The following PCBP3 variants were observed in gnomAD, a reference collection of about 807,000 sequenced individuals.
PCBP3 encodes poly(rC)-binding protein 3.
Under a neutral mutation model 52.7 loss-of-function variants are expected in PCBP3, and 25 were observed. The observed-to-expected ratio is 0.47, with a 90% CI of 0.35 to 0.66. The LOEUF (loss-of-function observed/expected upper bound fraction) is 0.66. PCBP3 is among the 30% of genes least tolerant of loss of function. The pLI is 0.01. For missense variants in PCBP3, 391 were observed against 490.3 expected, an observed-to-expected ratio of 0.80 and a Z score of 1.91; for synonymous variants, 162 against 183.0, an observed-to-expected ratio of 0.89 and a Z score of 0.93.
chr21:45,810,859 T>A (rs1343385885), intron 4 of PCBP3, among the ~76,000 whole-genome samples: 2 of 152,226 alleles, frequency 1.3e-5, no homozygotes, highest in African/African-American at 2.4e-5. Context: ...ATATTCAAAT[T>A]TCCTTTTACA....
chr21:45,714,474 A>C (rs918709519), intron 2 of PCBP3, among the ~76,000 whole-genome samples: 15 of 152,210 alleles, frequency 9.9e-5, no homozygotes, highest in African/African-American at 2.4e-5. Flanking sequence ...AGTCACAATG[A>C]TGAAGCTCAC....
At chr21:45,698,461 G>A (rs62215048) in intron 2 of PCBP3, among the ~76,000 whole-genome samples, 26,316 of 152,244 alleles carry the variant, frequency 0.17, 2,391 homozygotes, top group Middle Eastern at 0.32. Context: ...CTAGCATCAC[G>A]TCTCAGAGCC....
intron 2 of PCBP3, among the ~76,000 whole-genome samples, chr21:45,730,665 A>C (rs550706739): frequency 6.6e-6 from 1 of 152,244 alleles, no homozygotes; most frequent in African/African-American, 2.4e-5. Context: ...TTGTGGATTT[A>C]TCTATTTGGT....
At position 45,822,241 on chromosome 21, in the gene PCBP3, G is replaced by A. The variant is rs1411988471; in HGVS notation, c.-125-27720G>A. 2.0e-5 allele frequency among the ~76,000 whole-genome samples: 3 copies of A among 152,242 alleles called. No individual in the cohort carries two copies. In the East Asian group the frequency reaches 5.8e-4, roughly 30 times the overall value. ...GCACCGTCATCCTGGGAGCCATCGG[G>A]GTCCTCAGCCCCCACTGCAGCCTGA... is the stretch of plus-strand genomic sequence containing the variant. On this transcript the variant is annotated intron_variant, in intron 4 of 17. Coordinates refer to ENST00000681687, the MANE Select transcript of PCBP3 (RefSeq NM_001384156.1).
At chr21:45,891,867 C>T (rs12626343) in intron 5 of PCBP3, among the ~76,000 whole-genome samples, 45,652 of 152,170 alleles carry the variant, frequency 0.3, 8,305 homozygotes, top group East Asian at 0.68. Flanking sequence ...CCTCTGCGCC[C>T]CTTTGACCTC....
In PCBP3 at chr21:45,890,133, T is replaced by G. The variant is rs4818807; in HGVS notation, c.11-6075T>G. Among the ~76,000 whole-genome samples the G allele has an allele frequency of 1.3e-4, 20 of 152,254 alleles. No homozygotes were observed. The East Asian group carries it at 3.3e-3, about 25-fold the overall frequency. ...GGGCAGTTTCCAGCAGCTACTCTGCTGCGGGAGAGAATGGAGCAGACAGGT... is the reference window on the plus strand; with the variant it reads ...GGGCAGTTTCCAGCAGCTACTCTGCGGCGGGAGAGAATGGAGCAGACAGGT... On this transcript the variant is annotated intron_variant, in intron 5 of 17. Transcript: ENST00000681687.
rs987165151 is a variant in PCBP3, at chr21:45,724,399, A to G, written c.-199-10993A>G. Among the ~76,000 whole-genome samples the G allele has an allele frequency of 6.6e-6, 1 of 151,674 alleles. No homozygotes were observed. Among genetic ancestry groups the G allele is most frequent in the East Asian group, 1.9e-4 (1 of 5,142 alleles). ...ACAGGGTGGTGCATGGGGGCTGCCCACACTCCCTGCTGCTTTCTGCTCTCT... is the reference window on the plus strand; with the variant it reads ...ACAGGGTGGTGCATGGGGGCTGCCCGCACTCCCTGCTGCTTTCTGCTCTCT... On this transcript the variant is annotated intron_variant, in intron 2 of 17. Transcript: ENST00000681687. This position sits in a 1 kb window ranked among gnomAD's most constrained non-coding sequence, Gnocchi z 5.3.
chr21:45,647,498 C>T (rs1207029215), intron 1 of PCBP3, among the ~76,000 whole-genome samples: 1 of 152,074 alleles, frequency 6.6e-6, no homozygotes, highest in Non-Finnish European at 1.5e-5. Context: ...TCATTTGGGC[C>T]GAGAATCAGG....
rs2092450701 is a variant in PCBP3, at chr21:45,805,149, T to TGG, written c.-125-44812_-125-44811insGG. Among the ~76,000 whole-genome samples the TGG allele has an allele frequency of 6.6e-6, 1 of 152,164 alleles. No individual in the cohort carries two copies. Among genetic ancestry groups the TGG allele is most frequent in the Non-Finnish European group, 1.5e-5 (1 of 68,024 alleles). On this transcript the variant is annotated intron_variant, in intron 4 of 17. Transcript: ENST00000681687. This position sits in a 1 kb window ranked among gnomAD's most constrained non-coding sequence, Gnocchi z 4.6. ...GTCATCTTGGGCCATGGCTACCACA[T>TGG]ATGGCGCTTCCTAGCCGGGCACTAT...
At chr21:45,653,679 G>GA (rs993392108) in intron 1 of PCBP3, among the ~76,000 whole-genome samples, 6 of 151,878 alleles carry the variant, frequency 4.0e-5, no homozygotes, top group African/African-American at 1.5e-4. Flanking sequence ...CATTCAATCT[G>GA]ACAGTCTTTG....
chr21:45,683,079 G>GAC (rs57487832), intron 2 of PCBP3, among the ~76,000 whole-genome samples: 34,801 of 152,002 alleles, frequency 0.23, 4,687 homozygotes, highest in African/African-American at 0.37. Flanking sequence ...TAGGAGAAAA[G>GAC]AGGATAGAGG....
intron 2 of PCBP3, among the ~76,000 whole-genome samples, chr21:45,727,841 A>G (rs2085169733): frequency 6.6e-6 from 1 of 152,226 alleles, no homozygotes; most frequent in South Asian, 2.1e-4. Context: ...CAAGCCCTGG[A>G]TGTCAAAGCA....
Position 45,737,032 on chromosome 21 carries a change from C to T in PCBP3, c.-162+1603C>T, listed in dbSNP as rs1049843994. On this transcript the variant is annotated intron_variant, in intron 3 of 17. Transcript: ENST00000681687. This position sits in a 1 kb window ranked among gnomAD's most constrained non-coding sequence, Gnocchi z 4.9. ...TGCAGGAGGTGAGGAGCTGCAGGGC[C>T]AAGGGGGTTTGGAGCAGAAGCTCGG... Among the ~76,000 whole-genome samples, 2 of 152,024 alleles carry T rather than the reference C, an allele frequency of 1.3e-5. No homozygotes were observed. Among genetic ancestry groups the T allele is most frequent in the Non-Finnish European group, 2.9e-5 (2 of 68,004 alleles).
intron 2 of PCBP3, among the ~76,000 whole-genome samples, chr21:45,712,820 C>T (rs903371191): frequency 1.3e-5 from 2 of 152,104 alleles, no homozygotes; most frequent in South Asian, 2.1e-4. Context: ...CCCCCTGCCA[C>T]AGCCTCCTGA....
intron 11 of PCBP3, among the ~76,000 whole-genome samples, chr21:45,911,678 A>C (rs2096397522): frequency 6.6e-6 from 1 of 152,188 alleles, no homozygotes; most frequent in South Asian, 2.1e-4. Context: ...TTCCTGAAGC[A>C]AAAATGAAGA....
At chr21:45,902,250 G>C (rs568343260) in intron 9 of PCBP3, among the ~76,000 whole-genome samples, 85 of 150,714 alleles carry the variant, frequency 5.6e-4, no homozygotes, top group African/African-American at 1.9e-3. Flanking sequence ...TCCAAGGCTG[G>C]ACACTGCAGA....
At chr21:45,764,281 C>T (rs899436175) in intron 4 of PCBP3, among the ~76,000 whole-genome samples, 12 of 152,062 alleles carry the variant, frequency 7.9e-5, no homozygotes, top group Non-Finnish European at 1.5e-5. Context: ...CGCCACCACG[C>T]CCGGCTAATT....
intron 2 of PCBP3, among the ~76,000 whole-genome samples, chr21:45,711,650 A>G (rs1455890399): frequency 6.6e-6 from 1 of 152,224 alleles, no homozygotes; most frequent in Non-Finnish European, 1.5e-5. Context: ...GATTCTACTC[A>G]TTTCTAAAAT....
At chr21:45,782,743 A>G (rs1490302494) in intron 4 of PCBP3, among the ~76,000 whole-genome samples, 1 of 152,270 alleles carries the variant, frequency 6.6e-6, no homozygotes, top group Non-Finnish European at 1.5e-5. Context: ...AACTTTTCAC[A>G]TCTGGGCATA....
Sources: gnomAD v4.1 joint callset for allele counts (sites outside exome capture counted in the v4.1 genomes callset) on GRCh38, gnomAD v4.1.1 for gene constraint, Gnocchi (gnomAD v3.1) non-coding constraint, MANE v1.5 for transcripts, NCBI Gene and HGNC (gene_info 2026-07-23, HGNC 2026-07-21) for gene names.